Variants in TLR3 observed in about 807,000 individuals in gnomAD.
TLR3 encodes the protein toll like receptor 3.
TLR3 carries 43 observed loss-of-function variants against 66.4 expected under a neutral mutation model. The observed-to-expected ratio is 0.65, with a 90% confidence interval of 0.51 to 0.83. The LOEUF (loss-of-function observed/expected upper bound fraction) is 0.83. Ranked by LOEUF, TLR3 falls within the 40% of genes least tolerant of loss-of-function variation. TLR3 has a pLI of 0.00. For synonymous variants in TLR3, 397 were observed against 397.2 expected, an observed-to-expected ratio of 1.00 and a Z score of 0.01; for missense variants, 982 against 1,044.6, an observed-to-expected ratio of 0.94 and a Z score of 0.83.
chr4:186,078,275 A>G (rs3775294), intron 2 of TLR3, among the ~76,000 whole-genome samples: 108,632 of 152,092 alleles, frequency 0.71, 39,876 homozygotes, highest in East Asian at 0.87. Context: ...AAAACATCCC[A>G]CAGTACTGAT....
chr4:186,071,851 A>G (rs2099301528), intron 1 of TLR3, among the ~76,000 whole-genome samples: 1 of 152,172 alleles, frequency 6.6e-6, no homozygotes, highest in Admixed American at 6.5e-5. Context: ...TTTTCATGTC[A>G]TGACTTTTAG....
rs529319464 is a variant in TLR3 at position 186,075,901 on chromosome 4, A to G, written c.-7-712A>G. Among the ~76,000 whole-genome samples the G allele has an allele frequency of 2.4e-4, 36 of 152,304 alleles. No homozygotes were observed. The South Asian group carries it at 6.6e-3, about 28-fold the overall frequency. Reference sequence around the variant, plus strand: ...CTGGGCACGGTGGCTCACGCCTGTAATCCCAGCACTTTGGGAGGCTGAAGT... The same window carrying G: ...CTGGGCACGGTGGCTCACGCCTGTAGTCCCAGCACTTTGGGAGGCTGAAGT... On this transcript the variant is annotated intron_variant, in intron 1 of 4. Coordinates refer to ENST00000296795, the MANE Select transcript of TLR3 (RefSeq NM_003265.3).
Position 186,082,334 on chromosome 4 carries a change from T to G in TLR3, c.648T>G (p.Cys216Trp), listed in dbSNP as rs1378264668. 6.2e-7 allele frequency: 1 copy of G among 1,612,702 alleles called. No homozygotes were observed. Among genetic ancestry groups the G allele is most frequent in the Non-Finnish European group, 8.5e-7 (1 of 1,179,366 alleles). Reference sequence around the variant, plus strand: ...CCTACCTTTAGTTTTCTCCAGGGTGTTTTCACGCAATTGGAAGATTATTTG... The same window carrying G: ...CCTACCTTTAGTTTTCTCCAGGGTGGTTTCACGCAATTGGAAGATTATTTG... Reference protein sequence around the residue: ...SNQIKEFSPGCFHAIGRLFGL... With the variant: ...SNQIKEFSPGWFHAIGRLFGL... Residue 216 changes from cysteine to tryptophan, a missense_variant, in exon 4 of 5, where the codon TGT becomes TGG. Around this residue, in one of 3 missense-constraint regions of TLR3, gnomAD observed 313 missense variants for 319.0 expected, o/e 0.98. Coordinates refer to ENST00000296795, the MANE Select transcript of TLR3 (RefSeq NM_003265.3).
chr4:186,078,991 CT>C lies in TLR3; in HGVS notation c.596del (p.Leu199Ter). The C allele has an allele frequency of 6.2e-7, 1 of 1,613,670 alleles. No individual in the cohort carries two copies. The highest frequency in any genetic ancestry group is 8.5e-7 in the Non-Finnish European group (1 of 1,179,884). ...GAACTGGATATCTTTGCCAATTCAT[CT>C]TTAAAAAAATTAGAGTTGTCATCGA... ...SEELDIFANS[S>X]LKKLELSSNQ... On this transcript the variant is annotated frameshift_variant, in exon 3 of 5. Transcript: ENST00000296795. LOFTEE classifies it high-confidence loss of function.
In TLR3 at chr4:186,082,580, A is replaced by T. The variant is rs1471779820; in HGVS notation, c.894A>T (p.Pro298=). 5 of 1,614,166 alleles carry T rather than the reference A, an allele frequency of 3.1e-6. No homozygotes were observed. The highest frequency in any genetic ancestry group is 4.2e-6 in the Non-Finnish European group (5 of 1,180,024). ...GTAACGATTCCTTTGCTTGGCTTCC[A>T]CAACTAGAATATTTCTTCCTAGAGT... ...VVGNDSFAWL[P]QLEYFFLEYN... Residue 298 remains proline (P), a synonymous_variant, in exon 4 of 5, where the codon CCA becomes CCT. Coordinates refer to ENST00000296795, the MANE Select transcript of TLR3 (RefSeq NM_003265.3).
At position 186,082,538 on chromosome 4, in the gene TLR3, C is replaced by T. The variant is rs753681576; in HGVS notation, c.852C>T (p.Asn284=). 1.2e-6 allele frequency: 2 copies of T among 1,614,206 alleles called. No individual in the cohort carries two copies. The highest frequency in any genetic ancestry group is 1.7e-6 in the Non-Finnish European group (2 of 1,180,028). ...TCACTATGCTCGATCTTTCCTACAACAACTTAAATGTGGTTGGTAACGATT... is the reference window on the plus strand; with the variant it reads ...TCACTATGCTCGATCTTTCCTACAATAACTTAAATGTGGTTGGTAACGATT... ...TNLTMLDLSY[N]NLNVVGNDSF... The change falls in exon 4 of 5, where the codon AAC becomes AAT. Residue 284 remains asparagine (N), a synonymous_variant. Transcript: ENST00000296795.
At chr4:186,074,470 G>A (rs554898340) in intron 1 of TLR3, among the ~76,000 whole-genome samples, 8 of 152,350 alleles carry the variant, frequency 5.3e-5, no homozygotes, top group African/African-American at 1.7e-4. Context: ...CACTTACCAC[G>A]AGTGGAGCTT....
rs745682135 is a variant in TLR3, at chr4:186,083,157, G to A, written c.1471G>A (p.Ala491Thr). The A allele has an allele frequency of 4.9e-5, 79 of 1,614,022 alleles. No homozygotes were observed. Among genetic ancestry groups the A allele is most frequent in the Non-Finnish European group, 6.2e-5 (73 of 1,180,032 alleles). ...TCAACGACTGATGCTCCGAAGGGTG[G>A]CCCTTAAAAATGTGGATAGCTCTCC... ...SLQRLMLRRV[A>T]LKNVDSSPSP... The change falls in exon 4 of 5, where the codon GCC (alanine) becomes ACC (threonine). Residue 491 changes from alanine (A) to threonine (T), a missense_variant. Around this residue, in one of 3 missense-constraint regions of TLR3, gnomAD observed 666 missense variants for 709.0 expected, o/e 0.94. Coordinates refer to ENST00000296795, the MANE Select transcript of TLR3 (RefSeq NM_003265.3). This position sits in a 1 kb window ranked among gnomAD's most constrained non-coding sequence, Gnocchi z 4.0.
chr4:186,073,833 C>G (rs777095222), intron 1 of TLR3, among the ~76,000 whole-genome samples: 1 of 151,970 alleles, frequency 6.6e-6, no homozygotes, highest in Non-Finnish European at 1.5e-5. Context: ...AGGAATCTGA[C>G]GAAGGACTGA....
At chr4:186,082,130 C>G (rs188596635) in intron 3 of TLR3, 190 bp from the exon 4 acceptor site, 31 of 592,392 alleles carry the variant, frequency 5.2e-5, no homozygotes, top group Non-Finnish European at 8.4e-5. Flanking sequence ...GAGGCTGAGG[C>G]AGGAGAATTG....
chr4:186,082,730 T>C lies in TLR3; in HGVS notation c.1044T>C (p.Asp348=), dbSNP rs745448491. Reference sequence around the variant, plus strand: ...TTGCCTCACTCCCCAAGATTGATGATTTTTCTTTTCAGTGGCTAAAATGTT... The same window carrying C: ...TTGCCTCACTCCCCAAGATTGATGACTTTTCTTTTCAGTGGCTAAAATGTT... ...ISLASLPKID[D]FSFQWLKCLE... The change falls in exon 4 of 5, where the codon GAT becomes GAC. Residue 348 remains aspartate (D), a synonymous_variant. Transcript: ENST00000296795. 13 of 1,614,142 alleles carry C rather than the reference T, an allele frequency of 8.1e-6. No individual in the cohort carries two copies. The highest frequency in any genetic ancestry group is 1.0e-5 in the Non-Finnish European group (12 of 1,179,988).
chr4:186,077,961 A>T (rs551312488), intron 2 of TLR3, among the ~76,000 whole-genome samples: 1 of 152,312 alleles, frequency 6.6e-6, no homozygotes, highest in Admixed American at 6.5e-5. Flanking sequence ...TCTTCCTCAG[A>T]TGCCAAGAAT....
chr4:186,072,287 G>C (rs2099301611), intron 1 of TLR3, among the ~76,000 whole-genome samples: 1 of 152,168 alleles, frequency 6.6e-6, no homozygotes, highest in South Asian at 2.1e-4. Flanking sequence ...AGGGGAAGGT[G>C]CCACACACTT....
At chr4:186,074,275 G>C (rs755597422) in intron 1 of TLR3, among the ~76,000 whole-genome samples, 14 of 152,222 alleles carry the variant, frequency 9.2e-5, no homozygotes, top group Non-Finnish European at 1.9e-4. Context: ...ACGTCACAGG[G>C]AGTGCTTACA....
At position 186,081,268 on chromosome 4, in the gene TLR3, C is replaced by CA. The variant is rs10604227; in HGVS notation, c.634-1037dup. Among the ~76,000 whole-genome samples the CA allele has an allele frequency of 8.4e-3, 1,177 of 139,698 alleles. 12 individuals carry two copies. The highest frequency in any genetic ancestry group is 0.027 in the African/African-American group (1,032 of 37,658). 91.6% of individuals were successfully genotyped at this position (139,698 alleles called of 152,430 possible). Reference sequence around the variant, plus strand: ...TGGGGGACAGAGCGAAACTCTGTCTCAAAAAAAAAAAAAAAGAAAAAGAAA... The same window carrying CA: ...TGGGGGACAGAGCGAAACTCTGTCTCAAAAAAAAAAAAAAAAGAAAAAGAAA... On this transcript the variant is annotated intron_variant, in intron 3 of 4. Transcript: ENST00000296795.
intron 1 of TLR3, among the ~76,000 whole-genome samples, chr4:186,069,517 G>A (rs2099301067): frequency 6.6e-6 from 1 of 152,118 alleles, no homozygotes; most frequent in Non-Finnish European, 1.5e-5. Context: ...TTTTTTCTCT[G>A]TAGCATTCTG....
intron 4 of TLR3, 70 bp from the exon 5 acceptor site, chr4:186,084,575 A>G (rs1009905193): frequency 1.9e-5 from 20 of 1,049,102 alleles, no homozygotes; most frequent in Admixed American, 1.0e-4. Flanking sequence ...TCTACAGAGT[A>G]TTTTTAAATA....
At position 186,073,078 on chromosome 4, in the gene TLR3, C is replaced by T. The variant is rs1358441281; in HGVS notation, c.-7-3535C>T. 3.3e-5 allele frequency among the ~76,000 whole-genome samples: 5 copies of T among 152,238 alleles called. No homozygotes were observed. The East Asian group carries it at 5.8e-4, about 18-fold the overall frequency. Reference sequence around the variant, plus strand: ...GACTTGTTGTAAAGCTAAAGTAATCCGAACAATGTGGTATTGGCCTAAGAA... The same window carrying T: ...GACTTGTTGTAAAGCTAAAGTAATCTGAACAATGTGGTATTGGCCTAAGAA... On this transcript the variant is annotated intron_variant, in intron 1 of 4. Transcript: ENST00000296795.
intron 3 of TLR3, chr4:186,081,871 C>G (rs3775292): frequency 0.82 from 138,945 of 169,560 alleles, 57,248 homozygotes; most frequent in East Asian, 0.88. Context: ...TCGTGCATTA[C>G]AGGAAGGGGG....
Sources: allele counts gnomAD v4.1 joint callset (sites outside exome capture counted in the v4.1 genomes callset), GRCh38; gene constraint gnomAD v4.1.1; regional missense constraint gnomAD v4.1.1; non-coding constraint Gnocchi (gnomAD v3.1); transcripts MANE v1.5; gene names NCBI Gene and HGNC (gene_info 2026-07-23, HGNC 2026-07-21).